Variants in KIF1A observed in about 807,000 individuals in gnomAD.
The protein encoded by KIF1A is kinesin-like protein KIF1A.
Under a neutral mutation model 227.3 loss-of-function variants are expected in KIF1A, and 46 were observed. The ratio of observed to expected loss-of-function variants is 0.20; its 90% CI spans 0.16 to 0.26. KIF1A has a LOEUF of 0.26. KIF1A is among the 10% of genes least tolerant of loss of function. KIF1A has a pLI of 1.00. For missense variants in KIF1A, 1,683 were observed against 2,485.9 expected, an observed-to-expected ratio of 0.68 and a Z score of 6.87; for synonymous variants, 1,022 against 1,012.8, an observed-to-expected ratio of 1.01 and a Z score of -0.17.
chr2:240,818,933 A>AG (rs1373075034), intron 1 of KIF1A: 8 of 152,284 alleles, frequency 5.3e-5, no homozygotes, highest in Admixed American at 3.3e-4. Flanking sequence ...CGCTTGGGGA[A>AG]GGGGTCCTCC....
chr2:240,789,334 GT>G lies in KIF1A; in HGVS notation c.107-23del. On this transcript the variant is annotated intron_variant, in intron 2 of 48. Coordinates refer to ENST00000498729, the MANE Select transcript of KIF1A (RefSeq NM_001244008.2). The surrounding 1 kb of genome is among the most constrained non-coding windows in gnomAD (Gnocchi z 4.8). ...ATGGCTGTGGGAGGGAACACAGGTG[GT>G]TAGCGCTGTGCTGGGAGGGCCCCTG... 6.3e-7 allele frequency: 1 copy of G among 1,599,212 alleles called. No homozygotes were observed. The highest frequency in any genetic ancestry group is 8.6e-7 in the Non-Finnish European group (1 of 1,166,538).
rs191302100 is a variant in KIF1A at position 240,747,899 on chromosome 2, C to T, written c.2978-578G>A. 2.9e-3 allele frequency among the ~76,000 whole-genome samples: 442 copies of T among 152,376 alleles called. 4 individuals carry two copies. Among genetic ancestry groups the T allele is most frequent in the Non-Finnish European group, 4.7e-3 (321 of 68,038 alleles). On this transcript the variant is annotated intron_variant, in intron 28 of 48. Coordinates refer to ENST00000498729, the MANE Select transcript of KIF1A (RefSeq NM_001244008.2). ...CTGCCATGGTCTGTGACAGTCAGCG[C>T]CTGCTCATGCAGGAGTCAGTGCTGA... is the stretch of plus-strand genomic sequence containing the variant.
Position 240,725,513 on chromosome 2 carries a change from G to C in KIF1A, c.4123-109C>G. ...GCCCAGCACCGACAGGCAGCCCCAG[G>C]GCCTTCCCAGGGCCTCAGGTGTGGC... On this transcript the variant is annotated intron_variant, in intron 39 of 48. Transcript: ENST00000498729. This position sits in a 1 kb window ranked among gnomAD's most constrained non-coding sequence, Gnocchi z 5.8. The C allele has an allele frequency of 8.1e-7, 1 of 1,232,794 alleles. No homozygotes were observed. Among genetic ancestry groups the C allele is most frequent in the Non-Finnish European group, 1.1e-6 (1 of 884,972 alleles). 76.4% of individuals were successfully genotyped at this position (1,232,794 alleles called of 1,614,324 possible). A position where few individuals can be genotyped will look rare whatever the true frequency, so the allele number is the denominator to read the frequency against.
rs78906145 is a variant in KIF1A at position 240,741,603 on chromosome 2, C to T, written c.3641-226G>A. Among the ~76,000 whole-genome samples the T allele has an allele frequency of 0.018, 2,784 of 152,320 alleles. 229 individuals carry two copies. In the East Asian group the frequency reaches 0.23, roughly 13 times the overall value. On this transcript the variant is annotated intron_variant, in intron 34 of 48. Transcript: ENST00000498729. Reference sequence around the variant, plus strand: ...CACATGGACGCTCACGTTCTCTGTGCCCCGGCTAGGAAAGGCACATGGCCA... The same window carrying T: ...CACATGGACGCTCACGTTCTCTGTGTCCCGGCTAGGAAAGGCACATGGCCA...
At chr2:240,722,124 A>T (rs1252088831) in intron 43 of KIF1A, among the ~76,000 whole-genome samples, 3 of 152,196 alleles carry the variant, frequency 2.0e-5, no homozygotes, top group Non-Finnish European at 4.4e-5. Flanking sequence ...TGCTGCCTCC[A>T]GTGCAGGAGG....
In KIF1A at chr2:240,763,287, G is replaced by T; in HGVS notation, c.1828C>A (p.Arg610=). ...CAAGGCGTGCGCTCACGCTCCTGCC[G>T]GGCCTGCTCGGGGTGGTTGAACCGG... ...VFRFNHPEQA[R]QERERTPCAE... The change falls in exon 21 of 49, where the codon CGG becomes AGG. Residue 610 remains arginine (R), a synonymous_variant. Coordinates refer to ENST00000498729, the MANE Select transcript of KIF1A (RefSeq NM_001244008.2). The T allele has an allele frequency of 6.2e-7, 1 of 1,605,306 alleles. No homozygotes were observed. Among genetic ancestry groups the T allele is most frequent in the South Asian group, 1.1e-5 (1 of 89,404 alleles).
At chr2:240,759,113 G>A (rs979316539) in intron 25 of KIF1A, among the ~76,000 whole-genome samples, 2 of 151,912 alleles carry the variant, frequency 1.3e-5, no homozygotes, top group African/African-American at 2.4e-5. Context: ...TGTATGCTGT[G>A]TATATGTGCA....
chr2:240,782,039 G>A, intron 10 of KIF1A: 1 of 985,386 alleles, frequency 1.0e-6, no homozygotes, highest in Non-Finnish European at 1.2e-6. Flanking sequence ...TTCCCACGCT[G>A]GCTCACTCCG....
rs1393473108 is a variant in KIF1A, at chr2:240,766,558, C to T, written c.1684+357G>A. Among the ~76,000 whole-genome samples the T allele has an allele frequency of 1.3e-5, 2 of 152,116 alleles. No individual in the cohort carries two copies. The highest frequency in any genetic ancestry group is 2.1e-4 in the South Asian group (1 of 4,830). On this transcript the variant is annotated intron_variant, in intron 19 of 48. Transcript: ENST00000498729. The surrounding 1 kb of genome is among the most constrained non-coding windows in gnomAD (Gnocchi z 5.0). ...CCACCCTGGGCCCCAACACGCTTCC[C>T]GGCCAGCAGCCCACCTGTGCCCCCA...
At chr2:240,728,075 C>G (rs927936784) in intron 38 of KIF1A, among the ~76,000 whole-genome samples, 5 of 152,222 alleles carry the variant, frequency 3.3e-5, no homozygotes, top group Non-Finnish European at 7.3e-5. Flanking sequence ...GCTGGGCGGC[C>G]ACGCAGGCTC....
At chr2:240,760,595 C>A in intron 25 of KIF1A, 70 bp downstream of exon 25, 1 of 1,273,462 alleles carries the variant, frequency 7.9e-7, no homozygotes, top group Non-Finnish European at 1.0e-6. Flanking sequence ...GTGCCTACCA[C>A]CGCTCCTGTG....
chr2:240,769,683 C>G lies in KIF1A; in HGVS notation c.1365G>C (p.Glu455Asp). Residue 455 changes from glutamate to aspartate, a missense_variant, in exon 16 of 49, where the codon GAG becomes GAC. Transcript: ENST00000498729. ...RLKETEKIIA[E>D]LNETWEEKLR... ...GCTTCTCCTCCCAGGTCTCATTGAG[C>G]TCAGCTATGATCTTCTCTGTTTCCT... 2 of 1,613,616 alleles carry G rather than the reference C, an allele frequency of 1.2e-6. No homozygotes were observed. Among genetic ancestry groups the G allele is most frequent in the Middle Eastern group, 1.7e-4 (1 of 6,060 alleles).
At chr2:240,748,704 C>T (rs1241495799) in intron 28 of KIF1A, 2 of 314,300 alleles carry the variant, frequency 6.4e-6, no homozygotes, top group Admixed American at 4.4e-5. Flanking sequence ...TGGTGTTCAC[C>T]CTCACTCCCC....
At chr2:240,769,764 A>G (rs2051701455) in intron 15 of KIF1A, 58 bp from the exon 16 acceptor site, 3 of 1,429,962 alleles carry the variant, frequency 2.1e-6, no homozygotes, top group Non-Finnish European at 2.9e-6. Flanking sequence ...GGAGAGGACA[A>G]TGGAGACACG....
intron 17 of KIF1A, among the ~76,000 whole-genome samples, chr2:240,768,171 C>A (rs1393342981): frequency 6.6e-6 from 1 of 152,198 alleles, no homozygotes; most frequent in African/African-American, 2.4e-5. Context: ...AGTGCCCAGA[C>A]CCAGGGCAAC....
chr2:240,734,763 T>C (rs1177135876), intron 38 of KIF1A: 9 of 1,303,888 alleles, frequency 6.9e-6, no homozygotes, highest in Non-Finnish European at 9.1e-6. Flanking sequence ...ACACAAACAA[T>C]CACACGGTTA....
intron 1 of KIF1A, among the ~76,000 whole-genome samples, chr2:240,812,809 T>C (rs1183602784): frequency 7.3e-6 from 1 of 137,042 alleles, no homozygotes; most frequent in East Asian, 2.3e-4. Flanking sequence ...CACCTCAAGA[T>C]CCACCTTCAC....
intron 1 of KIF1A, chr2:240,798,061 A>C: frequency 2.1e-4 from 55 of 256,154 alleles, no homozygotes; most frequent in Middle Eastern, 1.3e-3. Context: ...AAACAGAAAC[A>C]CAGCGACCTG....
In KIF1A at chr2:240,775,687, C is replaced by T. The variant is rs1485095732; in HGVS notation, c.958+164G>A. Among the ~76,000 whole-genome samples, 1 of 152,216 alleles carries T rather than the reference C, an allele frequency of 6.6e-6. No homozygotes were observed. Among genetic ancestry groups the T allele is most frequent in the Non-Finnish European group, 1.5e-5 (1 of 68,044 alleles). ...CTGCTGGCCGTTGCCCCAGGTCCTC[C>T]AGAAGGGCCACGAACTGACTGGACC... On this transcript the variant is annotated intron_variant, in intron 11 of 48. Transcript: ENST00000498729. This position sits in a 1 kb window ranked among gnomAD's most constrained non-coding sequence, Gnocchi z 5.5.
Sources: gnomAD v4.1 joint callset for allele counts (sites outside exome capture counted in the v4.1 genomes callset) on GRCh38, gnomAD v4.1.1 for gene constraint, Gnocchi (gnomAD v3.1) non-coding constraint, MANE v1.5 for transcripts, NCBI Gene and HGNC (gene_info 2026-07-23, HGNC 2026-07-21) for gene names.